Variants in ZFP64 observed in about 807,000 individuals in gnomAD.
The protein encoded by ZFP64 is zinc finger protein 64.
A neutral mutation model predicts 51.6 loss-of-function variants in ZFP64; 14 were observed. That is an observed-to-expected ratio of 0.27 (90% CI 0.18 to 0.42). The LOEUF is 0.42. Among genes scored for constraint, ZFP64 ranks in the 10% least tolerant of loss-of-function variants. The probability of loss-of-function intolerance (pLI) is 1.00; values close to 1 mark genes in which losing one functional copy is unlikely to be tolerated. For synonymous variants in ZFP64, 375 were observed against 361.4 expected (o/e 1.04, Z -0.43); for missense variants, 754 against 906.8 (o/e 0.83, Z 2.16).
chr20:52,085,210 A>C lies in ZFP64; in HGVS notation c.1285T>G (p.Leu429Val). 6.2e-7 allele frequency: 1 copy of C among 1,614,216 alleles called. No homozygotes were observed. Among genetic ancestry groups the C allele is most frequent in the Non-Finnish European group, 8.5e-7 (1 of 1,180,036 alleles). The change falls in exon 9 of 9, where the codon TTG becomes GTG. Residue 429 changes from leucine to valine, a missense_variant. Physicochemically the swap from Leu to Val is conservative, Grantham distance 32 (BLOSUM62 1). Transcript: ENST00000361387. This position sits in a 1 kb window ranked among gnomAD's most constrained non-coding sequence, Gnocchi z 4.3. Reference sequence around the variant, plus strand: ...GAGTGCACGATCATGTGCCTTTTCAAGTCCGAGCTGATTTTGAACTTGGCG... The same window carrying C: ...GAGTGCACGATCATGTGCCTTTTCACGTCCGAGCTGATTTTGAACTTGGCG...
rs188602228 is a variant in ZFP64, at chr20:52,145,615, G to A, written c.763+14508C>T. 9.9e-4 allele frequency among the ~76,000 whole-genome samples: 150 copies of A among 152,190 alleles called. 1 individual carries two copies. Among genetic ancestry groups the A allele is most frequent in the Non-Finnish European group, 1.8e-3 (125 of 68,008 alleles). On this transcript the variant is annotated intron_variant, in intron 5 of 8. Coordinates refer to the ZFP64 transcript ENST00000361387. Reference sequence around the variant, plus strand: ...GATTGTGCCACTGCACTCCAACCTGGGTGATAGAGTAATACCCTTTCTCAA... The same window carrying A: ...GATTGTGCCACTGCACTCCAACCTGAGTGATAGAGTAATACCCTTTCTCAA...
At chr20:52,155,665 A>G (rs915565567) in intron 5 of ZFP64, among the ~76,000 whole-genome samples, 12 of 151,940 alleles carry the variant, frequency 7.9e-5, no homozygotes, top group Admixed American at 7.9e-4. Flanking sequence ...TAATTTAACC[A>G]TAAACATTTC....
At chr20:52,139,200 A>C (rs1980131099) in intron 5 of ZFP64, among the ~76,000 whole-genome samples, 1 of 152,194 alleles carries the variant, frequency 6.6e-6, no homozygotes. Context: ...CCAAAGACAC[A>C]TGCACGCATA....
chr20:52,172,935 G>C (rs982424873), intron 2 of ZFP64, among the ~76,000 whole-genome samples: 1 of 152,136 alleles, frequency 6.6e-6, no homozygotes, highest in African/African-American at 2.4e-5. Flanking sequence ...ATTGTATTTA[G>C]TTCTGGTTTG....
intron 5 of ZFP64, among the ~76,000 whole-genome samples, chr20:52,133,865 C>A (rs967998416): frequency 2.6e-5 from 4 of 151,592 alleles, no homozygotes; most frequent in South Asian, 4.2e-4. Context: ...CCTGTCTCTA[C>A]AAAAAATACA....
At chr20:52,112,082 C>CAAAAAAAAAAAAA (rs375422075) in intron 5 of ZFP64, among the ~76,000 whole-genome samples, 7 of 78,368 alleles carry the variant, frequency 8.9e-5, no homozygotes, top group African/African-American at 3.0e-4. Context: ...ACTCTATCTC[C>CAAAAAAAAAAAAA]AAAAAAAAAA....
At chr20:52,158,975 G>C (rs1981552070) in intron 5 of ZFP64, among the ~76,000 whole-genome samples, 1 of 152,184 alleles carries the variant, frequency 6.6e-6, no homozygotes, top group South Asian at 2.1e-4. Flanking sequence ...ATGGTCCCAG[G>C]AGGAAGATGA....
chr20:52,093,622 T>C (rs543853364), intron 7 of ZFP64, among the ~76,000 whole-genome samples: 3 of 152,364 alleles, frequency 2.0e-5, no homozygotes, highest in African/African-American at 7.2e-5. Context: ...GGACATGAAA[T>C]GTGGTCGTAC....
At chr20:52,174,570 CACTTTTGCCATGTTAAA>C (rs1568699115) in intron 2 of ZFP64, among the ~76,000 whole-genome samples, 1 of 142,840 alleles carries the variant, frequency 7.0e-6, no homozygotes, top group Non-Finnish European at 1.5e-5. Context: ...TTTAATGAAA[CACTTTTGCCATGTTAAA>C]ACATCTTATC....
intron 5 of ZFP64, among the ~76,000 whole-genome samples, chr20:52,132,520 G>A (rs1979771785): frequency 6.6e-6 from 1 of 152,010 alleles, no homozygotes; most frequent in African/African-American, 2.4e-5. Context: ...AATGAAAAAA[G>A]GAGGTATTAC....
chr20:52,160,439 C>G lies in ZFP64; in HGVS notation c.512-65G>C. ...GATTAAAAAAGGAAAAGGCTTATTT[C>G]CCACTGCCTTACGAAAAAAGTCATA... On this transcript the variant is annotated intron_variant, in intron 4 of 5. Transcript: ENST00000216923. This position sits in a 1 kb window ranked among gnomAD's most constrained non-coding sequence, Gnocchi z 4.2. 3 of 1,529,252 alleles carry G rather than the reference C, an allele frequency of 2.0e-6. No individual in the cohort carries two copies. The highest frequency in any genetic ancestry group is 4.5e-5 in the East Asian group (2 of 44,172). 94.7% of individuals were successfully genotyped at this position (1,529,252 alleles called of 1,614,324 possible).
At chr20:52,096,887 T>C (rs1439876392) in intron 7 of ZFP64, 2 of 353,224 alleles carry the variant, frequency 5.7e-6, no homozygotes, top group Non-Finnish European at 1.1e-5. Flanking sequence ...GGACTCTGTC[T>C]CAGAGAAAAA....
At chr20:52,150,175 A>G (rs1980721745), downstream of ZFP64, among the ~76,000 whole-genome samples, 1 of 146,356 alleles carries the variant, frequency 6.8e-6, no homozygotes, top group Non-Finnish European at 1.5e-5. Context: ...ACTGCACTCC[A>G]GCCTGGGCAA....
At chr20:52,137,309 C>A (rs571094895) in intron 5 of ZFP64, among the ~76,000 whole-genome samples, 1 of 152,048 alleles carries the variant, frequency 6.6e-6, no homozygotes, top group Admixed American at 6.6e-5. Context: ...TGCTTTTTTT[C>A]CTGGTAACAC....
intron 5 of ZFP64, among the ~76,000 whole-genome samples, chr20:52,135,006 G>T (rs1261271894): frequency 6.6e-6 from 1 of 152,034 alleles, no homozygotes. Flanking sequence ...GGGACCAAAG[G>T]TGCACGCCAC....
Position 52,152,169 on chromosome 20 carries a change from G to T in ZFP64, c.2023C>A (p.Pro675Thr). 2 of 1,614,086 alleles carry T rather than the reference G, an allele frequency of 1.2e-6. No individual in the cohort carries two copies. The highest frequency in any genetic ancestry group is 1.7e-6 in the Non-Finnish European group (2 of 1,179,972). Residue 675 changes from proline to threonine, a missense_variant, in exon 6 of 6, where the codon CCC becomes ACC. Pro to Thr is a conservative substitution (Grantham distance 38). This residue lies in a region of ZFP64 where 428 missense variants were observed against 472.4 expected (regional missense o/e 0.91). Coordinates refer to ENST00000216923, the MANE Select transcript of ZFP64 (RefSeq NM_018197.3). ...QGAAHPALLC[P>T]ADSIPD The stretch of plus-strand genomic sequence containing the variant: ...CACTAATCTGGAATGGAGTCGGCGG[G>T]ACAGAGCAAAGCTGGATGGGCTGCC...
chr20:52,152,623 C>T lies in ZFP64; in HGVS notation c.1569G>A (p.Pro523=), dbSNP rs148156379. 5.2e-6 allele frequency: 8 copies of T among 1,534,826 alleles called. No homozygotes were observed. Among genetic ancestry groups the T allele is most frequent in the Admixed American group, 2.0e-5 (1 of 50,440 alleles). ...CTGGGTTCTGGGCCACCAAGGCAGGCGGGACGATGTTCACTGCAGCGGCGG... is the reference window on the plus strand; with the variant it reads ...CTGGGTTCTGGGCCACCAAGGCAGGTGGGACGATGTTCACTGCAGCGGCGG... ...QAAAAAVNIV[P]PALVAQNPEE... The change falls in exon 6 of 6, where the codon CCG becomes CCA. Residue 523 remains proline (P), a synonymous_variant. Transcript: ENST00000216923.
At chr20:52,186,418 AT>A (rs11336316) in intron 2 of ZFP64, among the ~76,000 whole-genome samples, 5,450 of 147,146 alleles carry the variant, frequency 0.037, 196 homozygotes, top group East Asian at 0.12. Flanking sequence ...CAGTTTATAG[AT>A]TTTTTTTTTT....
downstream of ZFP64, among the ~76,000 whole-genome samples, chr20:52,148,175 C>A (rs1600752815): frequency 1.3e-5 from 2 of 152,064 alleles, no homozygotes; most frequent in Non-Finnish European, 2.9e-5. Flanking sequence ...CTGGGGGAAG[C>A]TTTGTAAGTC....
Sources: allele counts gnomAD v4.1 joint callset (sites outside exome capture counted in the v4.1 genomes callset), GRCh38; gene constraint gnomAD v4.1.1; regional missense constraint gnomAD v4.1.1; non-coding constraint Gnocchi (gnomAD v3.1); transcripts MANE v1.5; gene names NCBI Gene and HGNC (gene_info 2026-07-23, HGNC 2026-07-21).